TMEM131: variants seen among roughly 807,000 people sequenced by gnomAD.
The protein encoded by TMEM131 is transmembrane protein 131.
Under a neutral mutation model 211.6 loss-of-function variants are expected in TMEM131, and 66 were observed. That is an observed-to-expected ratio of 0.31 (90% confidence interval 0.26 to 0.38). The LOEUF (loss-of-function observed/expected upper bound fraction) is 0.38, where lower values mean the gene tolerates loss of function less well. TMEM131 is among the 10% of genes least tolerant of loss of function. The pLI, the probability that TMEM131 is intolerant of heterozygous loss-of-function variation, is 1.00. For synonymous variants in TMEM131, 844 were observed against 841.3 expected, an observed-to-expected ratio of 1.00 and a Z score of -0.06; for missense variants, 2,036 against 2,299.3, an observed-to-expected ratio of 0.89 and a Z score of 2.34.
At chr2:97,870,208 C>A (rs938518943) in intron 4 of TMEM131, among the ~76,000 whole-genome samples, 4 of 152,066 alleles carry the variant, frequency 2.6e-5, no homozygotes, top group African/African-American at 9.7e-5. Flanking sequence ...TTTCAAAATC[C>A]TCTATAGCAA....
Position 97,792,866 on chromosome 2 carries a change from T to C in TMEM131, c.3664A>G (p.Ser1222Gly), listed in dbSNP as rs376276079. The C allele has an allele frequency of 3.7e-6, 6 of 1,613,740 alleles. No homozygotes were observed. Among genetic ancestry groups the C allele is most frequent in the African/African-American group, 2.7e-5 (2 of 74,920 alleles). Residue 1222 changes from serine (S) to glycine (G), a missense_variant, in exon 31 of 41, where the codon AGC (serine) becomes GGC (glycine). Physicochemically the swap from Ser to Gly is moderately conservative, Grantham distance 56 (BLOSUM62 0). Coordinates refer to ENST00000186436, the MANE Select transcript of TMEM131 (RefSeq NM_015348.2). ...GCTGAGTTTCTATTGCTGTGACTGC[T>C]GTGTGGGTGGACCGATGGGCCACAC... ...KQCGPSVHPHSSHSNRNSADV... is the reference protein window; with the variant it reads ...KQCGPSVHPHGSHSNRNSADV...
chr2:97,788,826 A>G (rs1034096297), intron 31 of TMEM131, among the ~76,000 whole-genome samples: 4 of 152,194 alleles, frequency 2.6e-5, no homozygotes, highest in Admixed American at 6.5e-5. Flanking sequence ...TCTCAGCTCT[A>G]TAGGCTTTCT....
At chr2:97,872,039 G>C (rs1285274262) in intron 4 of TMEM131, among the ~76,000 whole-genome samples, 2 of 151,492 alleles carry the variant, frequency 1.3e-5, no homozygotes, top group Non-Finnish European at 2.9e-5. Context: ...GAAAAGAAAA[G>C]AGGGGGAGGG....
chr2:97,931,427 T>C (rs940730059), intron 1 of TMEM131, among the ~76,000 whole-genome samples: 2 of 152,240 alleles, frequency 1.3e-5, no homozygotes, highest in African/African-American at 4.8e-5. Context: ...AGATTAAAAA[T>C]ATCTTTCACT....
intron 25 of TMEM131, among the ~76,000 whole-genome samples, chr2:97,800,912 A>ACGAGGCTGGAATG (rs1213099117): frequency 6.6e-6 from 1 of 152,254 alleles, no homozygotes; most frequent in African/African-American, 2.4e-5. Flanking sequence ...AGGCTGGAAT[A>ACGAGGCTGGAATG]CAAGACTGTC....
At chr2:97,946,667 A>C (rs1000734634) in intron 1 of TMEM131, among the ~76,000 whole-genome samples, 1 of 149,984 alleles carries the variant, frequency 6.7e-6, no homozygotes, top group East Asian at 2.0e-4. Flanking sequence ...ATTTAAGGGG[A>C]AAAAAAAAAT....
At chr2:97,812,367 C>A in intron 17 of TMEM131, 54 bp downstream of exon 17, 2 of 1,545,350 alleles carry the variant, frequency 1.3e-6, no homozygotes, top group South Asian at 1.2e-5. Flanking sequence ...TGATCTTCCA[C>A]TTGCAGTTTA....
At chr2:97,774,951 C>A (rs6748927) in intron 32 of TMEM131, among the ~76,000 whole-genome samples, 96,899 of 152,006 alleles carry the variant, frequency 0.64, 32,626 homozygotes, top group African/African-American at 0.85. Context: ...GTTACATATA[C>A]ATTTCATTTT....
intron 4 of TMEM131, among the ~76,000 whole-genome samples, chr2:97,874,988 G>A (rs1162909105): frequency 6.6e-6 from 1 of 151,732 alleles, no homozygotes; most frequent in Non-Finnish European, 1.5e-5. Flanking sequence ...TCACATGCAA[G>A]GCACACAGGC....
intron 1 of TMEM131, among the ~76,000 whole-genome samples, chr2:97,932,280 G>A (rs1559456603): frequency 1.3e-5 from 2 of 152,082 alleles, no homozygotes; most frequent in African/African-American, 2.4e-5. Flanking sequence ...TCCTGGACTA[G>A]GTCCACATGG....
intron 31 of TMEM131, among the ~76,000 whole-genome samples, chr2:97,782,512 TAA>T (rs1476589678): frequency 1.3e-5 from 2 of 151,630 alleles, no homozygotes; most frequent in South Asian, 2.1e-4. Context: ...AACAAAACAA[TAA>T]ACAGATGCCA....
intron 1 of TMEM131, among the ~76,000 whole-genome samples, chr2:97,994,332 C>T (rs376036555): frequency 1.0e-3 from 156 of 152,288 alleles, no homozygotes; most frequent in African/African-American, 3.5e-3. Flanking sequence ...GAATAATTTC[C>T]ACCAATGTTA....
intron 40 of TMEM131, among the ~76,000 whole-genome samples, chr2:97,757,670 G>C (rs568300626): frequency 2.6e-5 from 4 of 152,088 alleles, no homozygotes; most frequent in East Asian, 1.9e-4. Flanking sequence ...CAAAGTGCTG[G>C]GATTACAGGC....
Position 97,840,719 on chromosome 2 carries a change from AGG to A in TMEM131, c.723+1094_723+1095del, listed in dbSNP as rs1335610581. Reference sequence around the variant, plus strand: ...GGACGTAAACAACAGAAGGATGGTGAGGATAAGAGGGAATACTTCCCACCTGA... The same window carrying A: ...GGACGTAAACAACAGAAGGATGGTGAATAAGAGGGAATACTTCCCACCTGA... On this transcript the variant is annotated intron_variant, in intron 7 of 40. Transcript: ENST00000186436. Among the ~76,000 whole-genome samples, 6 of 152,360 alleles carry A rather than the reference AGG, an allele frequency of 3.9e-5. No homozygotes were observed. In the South Asian group the frequency reaches 1.0e-3, roughly 26 times the overall value.
chr2:97,975,742 G>C (rs1435918184), intron 1 of TMEM131, among the ~76,000 whole-genome samples: 1 of 147,310 alleles, frequency 6.8e-6, no homozygotes, highest in African/African-American at 2.5e-5. Context: ...AAATTAAAAA[G>C]GAAAAACACA....
intron 2 of TMEM131, among the ~76,000 whole-genome samples, chr2:97,916,872 T>A (rs961602489): frequency 1.2e-4 from 19 of 152,226 alleles, no homozygotes; most frequent in Non-Finnish European, 2.8e-4. Flanking sequence ...CTCATGTATT[T>A]AAGAATTTAG....
At chr2:97,922,734 T>C (rs1162306471) in intron 2 of TMEM131, among the ~76,000 whole-genome samples, 2 of 152,092 alleles carry the variant, frequency 1.3e-5, no homozygotes, top group Non-Finnish European at 2.9e-5. Context: ...TTCTGGAAAA[T>C]GGCTAACTTT....
At chr2:97,902,298 C>T (rs540484664) in intron 3 of TMEM131, among the ~76,000 whole-genome samples, 131 of 152,200 alleles carry the variant, frequency 8.6e-4, no homozygotes, top group Non-Finnish European at 1.4e-3. Context: ...ACTCTAAACA[C>T]CGTACTCTTT....
chr2:97,828,318 G>A (rs1048435361), intron 11 of TMEM131, among the ~76,000 whole-genome samples: 2 of 151,738 alleles, frequency 1.3e-5, no homozygotes, highest in Admixed American at 6.6e-5. Flanking sequence ...ATGTCTGTAC[G>A]ATCCTCAACC....
Sources: allele counts gnomAD v4.1 joint callset (sites outside exome capture counted in the v4.1 genomes callset), GRCh38; gene constraint gnomAD v4.1.1; transcripts MANE v1.5; gene names NCBI Gene and HGNC (gene_info 2026-07-23, HGNC 2026-07-21).